Variants in MDGA2 observed in about 807,000 individuals in gnomAD.
MDGA2 encodes the protein MAM domain containing glycosylphosphatidylinositol anchor 2.
A neutral mutation model predicts 117.8 loss-of-function variants in MDGA2; 40 were observed. That is an observed-to-expected ratio of 0.34 (90% confidence interval 0.26 to 0.44). MDGA2 has a LOEUF of 0.44. Ranked by LOEUF, MDGA2 falls within the 20% of genes least tolerant of loss-of-function variation. MDGA2 has a pLI of 1.00. For missense variants in MDGA2, 1,123 were observed against 1,250.6 expected (o/e 0.90, Z 1.54); for synonymous variants, 452 against 439.0 (o/e 1.03, Z -0.37).
chr14:47,446,096 T>C (rs1274749742), intron 1 of MDGA2, among the ~76,000 whole-genome samples: 1 of 152,124 alleles, frequency 6.6e-6, no homozygotes, highest in Non-Finnish European at 1.5e-5. Flanking sequence ...TATGTACAAC[T>C]TTTTACTCAC....
chr14:47,485,827 A>T (rs1423845354), intron 1 of MDGA2, among the ~76,000 whole-genome samples: 1 of 152,146 alleles, frequency 6.6e-6, no homozygotes, highest in Non-Finnish European at 1.5e-5. Context: ...AGGACACAGA[A>T]GTCAAAAATT....
At chr14:47,147,503 C>T (rs558822939) in intron 3 of MDGA2, among the ~76,000 whole-genome samples, 1 of 152,284 alleles carries the variant, frequency 6.6e-6, no homozygotes, top group South Asian at 2.1e-4. Flanking sequence ...CTTTATACAC[C>T]GACCACCTCC....
At chr14:47,166,169 G>A (rs1883867764) in intron 3 of MDGA2, among the ~76,000 whole-genome samples, 1 of 151,668 alleles carries the variant, frequency 6.6e-6, no homozygotes, top group Non-Finnish European at 1.5e-5. Flanking sequence ...CCGAGTAGCT[G>A]GGACTACAGA....
chr14:47,272,472 C>T (rs763806748), intron 2 of MDGA2, among the ~76,000 whole-genome samples: 19 of 152,158 alleles, frequency 1.2e-4, no homozygotes, highest in South Asian at 4.1e-4. Context: ...AGTTGAAAGA[C>T]GAAGGGAAGG....
chr14:47,560,364 C>T (rs1895775530), intron 1 of MDGA2, among the ~76,000 whole-genome samples: 1 of 152,160 alleles, frequency 6.6e-6, no homozygotes, highest in Admixed American at 6.5e-5. Context: ...AGCCACCGCG[C>T]CCAGCCTATT....
intron 1 of MDGA2, among the ~76,000 whole-genome samples, chr14:47,402,341 CCCA>C (rs1566770505): frequency 6.2e-4 from 82 of 131,274 alleles, no homozygotes; most frequent in Non-Finnish European, 7.0e-4. Context: ...CCCCCGCCCC[CCCA>C]CCCCGCAAAA....
At chr14:47,308,920 G>GC (rs11419502) in intron 1 of MDGA2, among the ~76,000 whole-genome samples, 13,539 of 151,996 alleles carry the variant, frequency 0.089, 734 homozygotes, top group Non-Finnish European at 0.11. Context: ...GTGATCATTT[G>GC]CTCTCCTTCA....
intron 1 of MDGA2, among the ~76,000 whole-genome samples, chr14:47,476,147 C>A (rs1185994149): frequency 1.3e-5 from 2 of 151,998 alleles, no homozygotes; most frequent in Non-Finnish European, 2.9e-5. Flanking sequence ...TGAATATAAA[C>A]AACTTGCCAA....
chr14:46,947,294 A>G (rs542850186), intron 9 of MDGA2, among the ~76,000 whole-genome samples: 1 of 152,252 alleles, frequency 6.6e-6, no homozygotes, highest in Non-Finnish European at 1.5e-5. Context: ...TTTAATGTCT[A>G]TATAATTCTA....
At chr14:47,063,515 T>C (rs145060071) in intron 6 of MDGA2, among the ~76,000 whole-genome samples, 13 of 152,050 alleles carry the variant, frequency 8.5e-5, no homozygotes, top group African/African-American at 2.9e-4. Flanking sequence ...TATATAATAA[T>C]TGTGCTCATA....
At chr14:47,031,815 C>T (rs1015606338) in intron 8 of MDGA2, among the ~76,000 whole-genome samples, 4 of 152,128 alleles carry the variant, frequency 2.6e-5, no homozygotes, top group African/African-American at 7.2e-5. Flanking sequence ...GCCCTCTTGC[C>T]CCTGCTCTGG....
intron 3 of MDGA2, among the ~76,000 whole-genome samples, chr14:47,187,563 C>A (rs1382703938): frequency 6.6e-6 from 1 of 152,046 alleles, no homozygotes; most frequent in African/African-American, 2.4e-5. Flanking sequence ...CTAGTTCATT[C>A]ATTTTCACTG....
At position 47,312,693 on chromosome 14, in the gene MDGA2, G is replaced by GTTTT. The variant is rs375332903; in HGVS notation, c.281-11147_281-11144dup. ...TAGTTTTTAGTTTTTTTTTTGTTTTGTTTTGTTTTTTTTTTTTGTAGAGAT... is the reference window on the plus strand; with the variant it reads ...TAGTTTTTAGTTTTTTTTTTGTTTTGTTTTTTTTGTTTTTTTTTTTTGTAGAGAT... On this transcript the variant is annotated intron_variant, in intron 1 of 16. Coordinates refer to ENST00000399232, the MANE Select transcript of MDGA2 (RefSeq NM_001113498.3). 1.5e-3 allele frequency among the ~76,000 whole-genome samples: 161 copies of GTTTT among 104,344 alleles called. 8 individuals are homozygous for GTTTT. Among genetic ancestry groups the GTTTT allele is most frequent in the African/African-American group, 4.4e-3 (127 of 29,056 alleles). The allele number at this position is 104,344 out of a possible 152,430, so 68.5% of individuals were successfully genotyped here.
intron 1 of MDGA2, among the ~76,000 whole-genome samples, chr14:47,362,330 T>G (rs983360536): frequency 7.2e-5 from 11 of 152,156 alleles, no homozygotes; most frequent in African/African-American, 2.2e-4. Context: ...TCAAATAATT[T>G]TGAAGGTATT....
At chr14:47,384,655 C>A (rs577969728) in intron 1 of MDGA2, among the ~76,000 whole-genome samples, 1 of 152,214 alleles carries the variant, frequency 6.6e-6, no homozygotes, top group South Asian at 2.1e-4. Flanking sequence ...CCATCCAAAT[C>A]ACTGCTCCTG....
At chr14:47,271,060 T>C (rs751544494) in intron 2 of MDGA2, among the ~76,000 whole-genome samples, 17 of 152,158 alleles carry the variant, frequency 1.1e-4, no homozygotes, top group African/African-American at 4.1e-4. Flanking sequence ...CTTGAATGCA[T>C]ATGCTCTGCA....
intron 2 of MDGA2, among the ~76,000 whole-genome samples, chr14:47,259,951 T>C (rs957086163): frequency 3.9e-5 from 6 of 152,104 alleles, no homozygotes; most frequent in African/African-American, 1.4e-4. Flanking sequence ...ATTTCATACA[T>C]ATTCAACAGA....
intron 1 of MDGA2, among the ~76,000 whole-genome samples, chr14:47,318,124 A>C (rs1889864096): frequency 6.6e-6 from 1 of 152,130 alleles, no homozygotes; most frequent in Non-Finnish European, 1.5e-5. Flanking sequence ...AAGCAGTCTG[A>C]TGGTACCTAT....
At chr14:47,541,008 A>G (rs1005265866) in intron 1 of MDGA2, among the ~76,000 whole-genome samples, 1 of 152,128 alleles carries the variant, frequency 6.6e-6, no homozygotes, top group Non-Finnish European at 1.5e-5. Flanking sequence ...ATGTCAAATG[A>G]CTCATCCTAC....
Sources: allele counts gnomAD v4.1 joint callset (sites outside exome capture counted in the v4.1 genomes callset), GRCh38; gene constraint gnomAD v4.1.1; transcripts MANE v1.5; gene names NCBI Gene and HGNC (gene_info 2026-07-23, HGNC 2026-07-21).